KLHL25: variants seen among roughly 807,000 people sequenced by gnomAD.
KLHL25 encodes the protein kelch like family member 25.
A neutral mutation model predicts 30.0 loss-of-function variants in KLHL25; 41 were observed. The ratio of observed to expected loss-of-function variants is 1.37; its 90% CI spans 1.07 to 1.78. The LOEUF is 1.78. Ranked by LOEUF, KLHL25 falls within the 40% of genes most tolerant of loss-of-function variation. The pLI is 0.00. For missense variants in KLHL25, 971 were observed against 824.5 expected, an observed-to-expected ratio of 1.18 and a Z score of -2.18; for synonymous variants, 399 against 355.3, an observed-to-expected ratio of 1.12 and a Z score of -1.38.
chr15:85,765,634 AAGAAG>A (rs774516526), intron 2 of KLHL25, among the ~76,000 whole-genome samples: 26,132 of 99,726 alleles, frequency 0.26, 3,504 homozygotes, highest in Middle Eastern at 0.45. Context: ...AAAAAAAAAA[AAGAAG>A]AAGAAGAAGA....
chr15:85,779,666 TCA>T (rs1288331451), intron 1 of KLHL25, among the ~76,000 whole-genome samples: 2 of 152,240 alleles, frequency 1.3e-5, no homozygotes, highest in Admixed American at 6.5e-5. Context: ...CCTCAACTTT[TCA>T]CAGAGTTGCC....
At chr15:85,793,675 C>T (rs535834094) in intron 1 of KLHL25, among the ~76,000 whole-genome samples, 22 of 152,304 alleles carry the variant, frequency 1.4e-4, no homozygotes, top group African/African-American at 5.3e-4. Context: ...ATCCTGCCTC[C>T]TCTCCTGGTG....
chr15:85,768,581 G>C lies in KLHL25; in HGVS notation c.1230C>G (p.Ser410=), dbSNP rs749343375. 8.7e-6 allele frequency: 14 copies of C among 1,611,952 alleles called. No individual in the cohort carries two copies. The highest frequency in any genetic ancestry group is 1.0e-5 in the Non-Finnish European group (12 of 1,178,468). ...GGTCGTATTTCTCCACTTGTTTCAG[G>C]GAGACAGAAGGCGAGGCCGGGAAGA... ...AGVFPASPSV[S]LKQVEKYDPG... is the part of the protein sequence containing the mutation. The change falls in exon 2 of 3, where the codon TCC becomes TCG. Residue 410 remains serine (S), a synonymous_variant. Coordinates refer to ENST00000337975, the MANE Select transcript of KLHL25 (RefSeq NM_022480.4).
Position 85,768,743 on chromosome 15 carries a change from C to T in KLHL25, c.1068G>A (p.Lys356=). ...GTACGGTGTCGTACACCCAGACATC[C>T]TTGGAGACCCCGTTCTCGGAGCCCC... The part of the protein sequence containing the change: ...GGRGSENGVS[K]DVWVYDTVHE... The change falls in exon 2 of 3, where the codon AAG becomes AAA. Residue 356 remains lysine, a synonymous_variant. Transcript: ENST00000337975. 6.2e-7 allele frequency: 1 copy of T among 1,613,260 alleles called. No individual in the cohort carries two copies. The highest frequency in any genetic ancestry group is 8.5e-7 in the Non-Finnish European group (1 of 1,179,924).
intron 1 of KLHL25, among the ~76,000 whole-genome samples, chr15:85,791,078 T>G (rs1012867754): frequency 8.6e-5 from 13 of 150,368 alleles, no homozygotes; most frequent in Non-Finnish European, 1.3e-4. Flanking sequence ...GTGCCTGTAA[T>G]CCCAGCTACT....
At chr15:85,792,232 T>TCTCCCTC (rs1302142027) in intron 1 of KLHL25, among the ~76,000 whole-genome samples, 2 of 152,038 alleles carry the variant, frequency 1.3e-5, no homozygotes, top group African/African-American at 4.8e-5. Flanking sequence ...ATGCTTAAGT[T>TCTCCCTC]CTCCCTCCTC....
intron 1 of KLHL25, among the ~76,000 whole-genome samples, chr15:85,770,813 C>T: frequency 6.6e-6 from 1 of 152,310 alleles, no homozygotes; most frequent in South Asian, 2.1e-4. Flanking sequence ...GGCCTGGGGA[C>T]CTGGCGCTCA....
chr15:85,778,727 G>C (rs531527107), intron 1 of KLHL25, among the ~76,000 whole-genome samples: 1 of 152,234 alleles, frequency 6.6e-6, no homozygotes, highest in African/African-American at 2.4e-5. Flanking sequence ...GGGGACAGAA[G>C]AGAGGTCTGT....
chr15:85,789,596 G>C lies in KLHL25; in HGVS notation c.-11+5170C>G, dbSNP rs2089803043. ...CTCAAAGCTCGTTGTCCAACTCTCTGCTGGGAGGTGGCCCTGGCTCTGTGC... is the reference window on the plus strand; with the variant it reads ...CTCAAAGCTCGTTGTCCAACTCTCTCCTGGGAGGTGGCCCTGGCTCTGTGC... On this transcript the variant is annotated intron_variant, in intron 1 of 2. Coordinates refer to ENST00000337975, the MANE Select transcript of KLHL25 (RefSeq NM_022480.4). The surrounding 1 kb of genome is among the most constrained non-coding windows in gnomAD (Gnocchi z 4.1). 6.6e-6 allele frequency among the ~76,000 whole-genome samples: 1 copy of C among 152,130 alleles called. No individual in the cohort carries two copies.
chr15:85,765,263 C>T (rs1052212188), intron 2 of KLHL25, among the ~76,000 whole-genome samples: 2 of 152,088 alleles, frequency 1.3e-5, no homozygotes, highest in African/African-American at 4.8e-5. Context: ...CCAGTATCCT[C>T]TTGGAATCTC....
rs1013175628 is a variant in KLHL25 at position 85,760,935 on chromosome 15, G to C, written c.*101C>G. On this transcript the variant is annotated 3_prime_UTR_variant, in exon 3 of 3. Coordinates refer to ENST00000337975, the MANE Select transcript of KLHL25 (RefSeq NM_022480.4). ...CTGGCAGGGCCCCTTCCACCTCTCG[G>C]AGTGCTGGCCCAGGGCCGGCTTAGC... is the stretch of plus-strand genomic sequence containing the variant. The C allele has an allele frequency of 6.6e-6, 1 of 152,402 alleles. No individual in the cohort carries two copies. The highest frequency in any genetic ancestry group is 2.4e-5 in the African/African-American group (1 of 41,484). The allele number at this position is 152,402 out of a possible 1,614,324, so 9.4% of individuals were successfully genotyped here. A position where few individuals can be genotyped will look rare whatever the true frequency, so the allele number is the denominator to read the frequency against.
intron 1 of KLHL25, among the ~76,000 whole-genome samples, chr15:85,772,743 C>G (rs1291690689): frequency 6.6e-6 from 1 of 152,238 alleles, no homozygotes; most frequent in East Asian, 1.9e-4. Flanking sequence ...GAGAAGGAGG[C>G]AGAGCAGTGA....
At chr15:85,775,228 GTT>G (rs2089702160) in intron 1 of KLHL25, among the ~76,000 whole-genome samples, 2 of 152,180 alleles carry the variant, frequency 1.3e-5, no homozygotes, top group African/African-American at 4.8e-5. Flanking sequence ...CAGTCTCTGG[GTT>G]AGCAGGAAAG....
chr15:85,770,431 C>A, intron 1 of KLHL25: 1 of 511,778 alleles, frequency 2.0e-6, no homozygotes, highest in Non-Finnish European at 4.0e-6. Flanking sequence ...CTGCTCCCAG[C>A]AGGCTCTGCC....
At chr15:85,786,085 T>G (rs1003022103) in intron 1 of KLHL25, among the ~76,000 whole-genome samples, 2 of 151,928 alleles carry the variant, frequency 1.3e-5, no homozygotes, top group Non-Finnish European at 2.9e-5. Context: ...AAAAACTGCT[T>G]TCAGCGAGGC....
intron 1 of KLHL25, among the ~76,000 whole-genome samples, chr15:85,785,557 C>T (rs1040698495): frequency 6.8e-6 from 1 of 147,740 alleles, no homozygotes; most frequent in Non-Finnish European, 1.5e-5. Context: ...CAAAACCCAG[C>T]AAAGTCCTTT....
chr15:85,784,518 G>A (rs541215659), intron 1 of KLHL25, among the ~76,000 whole-genome samples: 22 of 150,008 alleles, frequency 1.5e-4, no homozygotes, highest in East Asian at 5.9e-4. Flanking sequence ...CAACAACAGC[G>A]AAACTCCATC....
intron 1 of KLHL25, among the ~76,000 whole-genome samples, chr15:85,773,375 T>C (rs2089689555): frequency 1.3e-5 from 2 of 152,210 alleles, no homozygotes; most frequent in Admixed American, 6.5e-5. Flanking sequence ...GAGGCAGTGG[T>C]GAATGCTGCC....
intron 1 of KLHL25, among the ~76,000 whole-genome samples, chr15:85,777,297 T>C (rs914831275): frequency 1.2e-4 from 19 of 152,234 alleles, no homozygotes; most frequent in African/African-American, 4.3e-4. Context: ...CCGCAGCCTC[T>C]GACAGTGCAT....
Sources: gnomAD v4.1 joint callset for allele counts (sites outside exome capture counted in the v4.1 genomes callset) on GRCh38, gnomAD v4.1.1 for gene constraint, Gnocchi (gnomAD v3.1) non-coding constraint, MANE v1.5 for transcripts, NCBI Gene and HGNC (gene_info 2026-07-23, HGNC 2026-07-21) for gene names.